The following TLE4 variants were observed in gnomAD, a reference collection of about 807,000 sequenced individuals.
TLE4 encodes the protein transducin-like enhancer protein 4.
TLE4 carries 8 observed loss-of-function variants against 92.8 expected under a neutral mutation model. The observed-to-expected ratio is 0.09, with a 90% confidence interval of 0.05 to 0.16. The LOEUF (loss-of-function observed/expected upper bound fraction) is 0.16. TLE4 is among the 10% of genes least tolerant of loss of function. The probability of loss-of-function intolerance (pLI) is 1.00; values close to 1 mark genes in which losing one functional copy is unlikely to be tolerated. For synonymous variants in TLE4, 371 were observed against 374.1 expected (o/e 0.99, Z 0.10); for missense variants, 675 against 997.6 (o/e 0.68, Z 4.36).
chr9:79,572,695 C>T lies in TLE4; in HGVS notation c.-96C>T, dbSNP rs2036129039. 1.5e-6 allele frequency: 2 copies of T among 1,355,896 alleles called. No individual in the cohort carries two copies. The highest frequency in any genetic ancestry group is 1.5e-5 in the African/African-American group (1 of 66,016). 84.0% of individuals were successfully genotyped at this position (1,355,896 alleles called of 1,614,324 possible). Reference sequence around the variant, plus strand: ...GCCCGAGCCGCCCCTCAGACCGAGCCGGCCGCCTCCGCTGCCGCGGCCGCC... The same window carrying T: ...GCCCGAGCCGCCCCTCAGACCGAGCTGGCCGCCTCCGCTGCCGCGGCCGCC... On this transcript the variant is annotated 5_prime_UTR_variant, in exon 1 of 20. Transcript: ENST00000376552.
At chr9:79,683,621 A>G (rs2065192257) in intron 8 of TLE4, among the ~76,000 whole-genome samples, 1 of 152,234 alleles carries the variant, frequency 6.6e-6, no homozygotes, top group Non-Finnish European at 1.5e-5. Flanking sequence ...ACAACTTTTT[A>G]TATCTTGCCT....
intron 8 of TLE4, among the ~76,000 whole-genome samples, chr9:79,679,396 T>G (rs377260090): frequency 6.6e-6 from 1 of 152,186 alleles, no homozygotes; most frequent in Non-Finnish European, 1.5e-5. Flanking sequence ...TTTCATGTGT[T>G]TTTTGGCTGC....
chr9:79,634,899 A>G (rs1379860029), intron 6 of TLE4, among the ~76,000 whole-genome samples: 2 of 152,186 alleles, frequency 1.3e-5, no homozygotes, highest in East Asian at 1.9e-4. Flanking sequence ...CTTAAAGGAC[A>G]GTTGGTTGAA....
intron 4 of TLE4, among the ~76,000 whole-genome samples, chr9:79,600,744 C>T (rs11138303): frequency 0.052 from 7,835 of 152,116 alleles, 312 homozygotes; most frequent in South Asian, 0.13. Flanking sequence ...GCCCATGGCT[C>T]CCCAAGCCTG....
chr9:79,572,887 C>T (rs1290448095), intron 1 of TLE4, 52 bp downstream of exon 1: 17 of 1,553,816 alleles, frequency 1.1e-5, no homozygotes, highest in Admixed American at 5.4e-5. Flanking sequence ...GGATTCCCCG[C>T]GTCGCCCCCT....
chr9:79,616,125 C>T (rs112815452), intron 5 of TLE4, among the ~76,000 whole-genome samples: 3 of 152,132 alleles, frequency 2.0e-5, no homozygotes, highest in Non-Finnish European at 2.9e-5. Context: ...TTCCCTATTT[C>T]GGTCTCATTT....
intron 4 of TLE4, among the ~76,000 whole-genome samples, chr9:79,599,818 A>T (rs1196701716): frequency 6.6e-6 from 1 of 152,124 alleles, no homozygotes; most frequent in Admixed American, 6.5e-5. Flanking sequence ...TTCCCTGATC[A>T]TGTCATCCAA....
intron 8 of TLE4, among the ~76,000 whole-genome samples, chr9:79,688,907 A>G (rs13290472): frequency 0.18 from 27,459 of 151,886 alleles, 2,999 homozygotes; most frequent in African/African-American, 0.3. Context: ...TGTGGAGGAC[A>G]ACATATCTTC....
rs749044445 is a variant in TLE4 at position 79,704,891 on chromosome 9, G to T, written c.718G>T (p.Ala240Ser). The T allele has an allele frequency of 6.2e-7, 1 of 1,614,128 alleles. No individual in the cohort carries two copies. The highest frequency in any genetic ancestry group is 8.5e-7 in the Non-Finnish European group (1 of 1,179,994). The change falls in exon 9 of 20, where the codon GCA (alanine) becomes TCA (serine). Residue 240 changes from alanine (A) to serine (S), a missense_variant. Transcript: ENST00000376552. The stretch of plus-strand genomic sequence containing the variant: ...GCAGAAAACTGAAGAAAAGGAAATT[G>T]CAGCTCGTTATGTAAGTTCATTCAC... Reference protein sequence around the residue: ...KKQKTEEKEIAARYDSDGEKS... With the variant: ...KKQKTEEKEISARYDSDGEKS...
chr9:79,690,476 A>T (rs2066814487), intron 8 of TLE4, among the ~76,000 whole-genome samples: 1 of 152,216 alleles, frequency 6.6e-6, no homozygotes, highest in Admixed American at 6.5e-5. Context: ...CTGGTTGATT[A>T]GATCAGTAGT....
intron 6 of TLE4, among the ~76,000 whole-genome samples, chr9:79,644,390 G>A (rs62569312): frequency 0.012 from 1,791 of 152,236 alleles, 13 homozygotes; most frequent in Non-Finnish European, 0.019. Flanking sequence ...CATGAGAACG[G>A]ACTAATACGC....
intron 4 of TLE4, among the ~76,000 whole-genome samples, chr9:79,587,837 G>A (rs927458981): frequency 1.2e-4 from 19 of 152,164 alleles, no homozygotes; most frequent in Non-Finnish European, 1.2e-4. Flanking sequence ...GATAATAAGA[G>A]CAGTTAAAAT....
At chr9:79,692,573 G>A (rs1174632905) in intron 8 of TLE4, among the ~76,000 whole-genome samples, 2 of 152,112 alleles carry the variant, frequency 1.3e-5, no homozygotes, top group African/African-American at 4.8e-5. Flanking sequence ...TAGTTTGTTC[G>A]GGGTGCTATG....
intron 10 of TLE4, among the ~76,000 whole-genome samples, 177 bp downstream of exon 10, chr9:79,706,119 A>G (rs1188679222): frequency 6.6e-6 from 1 of 152,082 alleles, no homozygotes; most frequent in Non-Finnish European, 1.5e-5. Context: ...ACCACAGTTC[A>G]CTGCAGCCTT....
intron 10 of TLE4, among the ~76,000 whole-genome samples, chr9:79,706,501 A>G (rs913192774): frequency 5.9e-5 from 9 of 151,802 alleles, no homozygotes; most frequent in Admixed American, 4.6e-4. Flanking sequence ...TTGACGTGCA[A>G]TTTGCAGATG....
At chr9:79,698,117 G>A (rs114445665) in intron 8 of TLE4, among the ~76,000 whole-genome samples, 2,695 of 152,250 alleles carry the variant, frequency 0.018, 62 homozygotes, top group African/African-American at 0.055. Context: ...AGGAAGTGCT[G>A]CTAACACCCT....
At position 79,654,067 on chromosome 9, in the gene TLE4, T is replaced by C. The variant is rs758003757; in HGVS notation, c.601T>C (p.Ser201Pro). Residue 201 changes from serine to proline, a missense_variant, in exon 8 of 20, where the codon TCC becomes CCC. Transcript: ENST00000376552. ...HDNDHQRDRD[S>P]IKSSSVSPSA... ...TGCTGTTTTGCATATAGACAGAGAC[T>C]CCATCAAGGTAGGACTCAAAATTTA... The C allele has an allele frequency of 6.2e-7, 1 of 1,613,724 alleles. No homozygotes were observed. The highest frequency in any genetic ancestry group is 1.3e-5 in the African/African-American group (1 of 75,020).
chr9:79,604,477 T>C (rs1274142504), intron 4 of TLE4, among the ~76,000 whole-genome samples: 1 of 152,126 alleles, frequency 6.6e-6, no homozygotes, highest in Non-Finnish European at 1.5e-5. Flanking sequence ...TAAGGATGTT[T>C]TGGTAATGAC....
At chr9:79,629,600 CTTGGATATAG>C (rs1444441870) in intron 6 of TLE4, among the ~76,000 whole-genome samples, 20 of 152,270 alleles carry the variant, frequency 1.3e-4, no homozygotes, top group Admixed American at 1.2e-3. Flanking sequence ...GCGGCATATA[CTTGGATATAG>C]TTGGATATAG....
Sources: allele counts gnomAD v4.1 joint callset (sites outside exome capture counted in the v4.1 genomes callset), GRCh38; gene constraint gnomAD v4.1.1; transcripts MANE v1.5; gene names NCBI Gene and HGNC (gene_info 2026-07-23, HGNC 2026-07-21).